The following CMYA5 variants were observed in gnomAD, a reference collection of about 807,000 sequenced individuals.
The protein encoded by CMYA5 is cardiomyopathy associated 5, also known as cardiomyopathy-associated protein 5.
A neutral mutation model predicts 318.9 loss-of-function variants in CMYA5; 246 were observed. That is an observed-to-expected ratio of 0.77 (90% CI 0.70 to 0.86). CMYA5 has a LOEUF of 0.86. CMYA5 is among the 40% of genes least tolerant of loss of function. The probability of loss-of-function intolerance (pLI) is 0.00; values close to 1 mark genes in which losing one functional copy is unlikely to be tolerated. For missense variants in CMYA5, 4,589 were observed against 4,678.2 expected (o/e 0.98, Z 0.56); for synonymous variants, 1,641 against 1,729.5 (o/e 0.95, Z 1.27).
intron 1 of CMYA5, among the ~76,000 whole-genome samples, chr5:79,695,592 T>C (rs1827053030): frequency 6.6e-6 from 1 of 152,220 alleles, no homozygotes; most frequent in African/African-American, 2.4e-5. Context: ...GTTAGCTTCA[T>C]TGGAATCTAG....
chr5:79,738,781 C>T lies in CMYA5; in HGVS notation c.10016C>T (p.Ala3339Val), dbSNP rs932864869. The T allele has an allele frequency of 9.3e-6, 15 of 1,613,834 alleles. No individual in the cohort carries two copies. The highest frequency in any genetic ancestry group is 1.3e-5 in the Non-Finnish European group (15 of 1,179,864). ...GTGGCTACCCAGAAAATAAGTTATG[C>T]GGTTCCATTTGAAGACACCCATCAT... ...VRVATQKISY[A>V]VPFEDTHHVL... Residue 3339 changes from alanine (A) to valine (V), a missense_variant, in exon 2 of 13, where the codon GCG becomes GTG. Ala to Val is a moderately conservative substitution (Grantham distance 64). Around this residue, in one of 3 missense-constraint regions of CMYA5, gnomAD observed 2,431 missense variants for 2,495.1 expected, o/e 0.97. Transcript: ENST00000446378.
At chr5:79,752,905 G>GA (rs1828457832) in intron 6 of CMYA5, 111 bp downstream of exon 6, 3 of 680,016 alleles carry the variant, frequency 4.4e-6, no homozygotes, top group African/African-American at 1.8e-5. Flanking sequence ...CATGTAACTG[G>GA]AAAAAGAAAA....
rs760154144 is a variant in CMYA5 at position 79,736,239 on chromosome 5, G to A, written c.7474G>A (p.Gly2492Arg). Residue 2492 changes from glycine to arginine, a missense_variant, in exon 2 of 13, where the codon GGG becomes AGG. Gly to Arg is a moderately radical substitution (Grantham distance 125). Around this residue, in one of 3 missense-constraint regions of CMYA5, gnomAD observed 2,431 missense variants for 2,495.1 expected, o/e 0.97. Transcript: ENST00000446378. The stretch of plus-strand genomic sequence containing the variant: ...AGAGCTTAGAGATAGTAATGAAATA[G>A]GGAAGACACAAATTACACTTGGATC... ...PLELRDSNEI[G>R]KTQITLGSRS... 1.9e-6 allele frequency: 3 copies of A among 1,613,402 alleles called. No homozygotes were observed. Among genetic ancestry groups the A allele is most frequent in the East Asian group, 2.2e-5 (1 of 44,870 alleles).
intron 1 of CMYA5, among the ~76,000 whole-genome samples, chr5:79,695,606 A>T (rs1222420076): frequency 6.6e-6 from 1 of 152,248 alleles, no homozygotes; most frequent in Non-Finnish European, 1.5e-5. Flanking sequence ...AATCTAGAGA[A>T]CTGCTGCATT....
At chr5:79,781,701 C>T (rs1467826717) in intron 9 of CMYA5, among the ~76,000 whole-genome samples, 1 of 61,538 alleles carries the variant, frequency 1.6e-5, no homozygotes, top group Admixed American at 2.2e-4. Context: ...AGTTTATTTG[C>T]GTAGAGGTGT....
chr5:79,756,113 T>G (rs947573911), intron 6 of CMYA5, among the ~76,000 whole-genome samples: 2 of 126,612 alleles, frequency 1.6e-5, no homozygotes, highest in Admixed American at 8.0e-5. Context: ...AACATGAAAA[T>G]TTACTGAACT....
intron 8 of CMYA5, 126 bp from the exon 9 acceptor site, chr5:79,762,934 CAG>C: frequency 1.8e-6 from 2 of 1,099,678 alleles, no homozygotes; most frequent in Non-Finnish European, 2.6e-6. Flanking sequence ...GTTTTTAACA[CAG>C]AATACACTTT....
chr5:79,731,377 C>G lies in CMYA5; in HGVS notation c.2612C>G (p.Pro871Arg), dbSNP rs766487423. Residue 871 changes from proline to arginine, a missense_variant, in exon 2 of 13, where the codon CCA (proline) becomes CGA (arginine). Transcript: ENST00000446378. ...TEMTSECQAPPLSATPSEYVV... is the reference protein window; with the variant it reads ...TEMTSECQAPRLSATPSEYVV... Reference sequence around the variant, plus strand: ...ATGACTTCTGAATGCCAGGCCCCACCACTTTCAGCCACCCCATCTGAATAT... The same window carrying G: ...ATGACTTCTGAATGCCAGGCCCCACGACTTTCAGCCACCCCATCTGAATAT... The G allele has an allele frequency of 6.8e-6, 11 of 1,613,916 alleles. No homozygotes were observed. Among genetic ancestry groups the G allele is most frequent in the Non-Finnish European group, 9.3e-6 (11 of 1,179,892 alleles).
intron 10 of CMYA5, 130 bp downstream of exon 10, chr5:79,789,234 G>A: frequency 1.9e-6 from 2 of 1,044,054 alleles, no homozygotes; most frequent in Non-Finnish European, 2.7e-6. Flanking sequence ...TTTGTCATGA[G>A]GACCCAAGGT....
chr5:79,700,841 G>A (rs926893037), intron 1 of CMYA5, among the ~76,000 whole-genome samples: 7 of 152,086 alleles, frequency 4.6e-5, no homozygotes, highest in African/African-American at 1.4e-4. Context: ...TCAGTCATTG[G>A]GAGCTAAGAA....
At position 79,729,361 on chromosome 5, in the gene CMYA5, C is replaced by T. The variant is rs768454519; in HGVS notation, c.596C>T (p.Ser199Leu). The T allele has an allele frequency of 1.9e-6, 3 of 1,613,588 alleles. No individual in the cohort carries two copies. The highest frequency in any genetic ancestry group is 3.3e-5 in the Admixed American group (2 of 59,970). Residue 199 changes from serine (S) to leucine (L), a missense_variant, in exon 2 of 13, where the codon TCA (serine) becomes TTA (leucine). Physicochemically the swap from Ser to Leu is moderately radical, Grantham distance 145 (BLOSUM62 -2). This residue lies in a region of CMYA5 where 2,132 missense variants were observed against 2,131.3 expected (regional missense o/e 1.00). Coordinates refer to ENST00000446378, the MANE Select transcript of CMYA5 (RefSeq NM_153610.5). ...YDKARKKKTT[S>L]NTPPITGAIY... ...AAAGCAAGAAAAAAGAAGACCACTTCAAATACACCTCCGATTACTGGGGCA... is the reference window on the plus strand; with the variant it reads ...AAAGCAAGAAAAAAGAAGACCACTTTAAATACACCTCCGATTACTGGGGCA...
chr5:79,732,915 G>C lies in CMYA5; in HGVS notation c.4150G>C (p.Asp1384His), dbSNP rs1359234833. The C allele has an allele frequency of 6.2e-7, 1 of 1,613,650 alleles. No individual in the cohort carries two copies. Among genetic ancestry groups the C allele is most frequent in the African/African-American group, 1.3e-5 (1 of 74,920 alleles). Residue 1384 changes from aspartate to histidine, a missense_variant, in exon 2 of 13, where the codon GAT becomes CAT. Coordinates refer to ENST00000446378, the MANE Select transcript of CMYA5 (RefSeq NM_153610.5). ...AGATTCATCTCTTATCACTCCTGTA[G>C]ATCGTCCAGTCTTAACAAAAGTAGG... ...PTDSSLITPV[D>H]RPVLTKVGKG...
At chr5:79,785,575 G>T (rs1199707854) in intron 9 of CMYA5, among the ~76,000 whole-genome samples, 5 of 151,554 alleles carry the variant, frequency 3.3e-5, no homozygotes, top group Admixed American at 1.3e-4. Context: ...CTCCTATCTA[G>T]TTGTTATTTG....
At position 79,743,864 on chromosome 5, in the gene CMYA5, A is replaced by T. The variant is rs900351568; in HGVS notation, c.10676A>T (p.Lys3559Met). The change falls in exon 3 of 13, where the codon AAG (lysine) becomes ATG (methionine). Residue 3559 changes from lysine (K) to methionine (M), a missense_variant. By Grantham distance (95) the Lys-to-Met change is moderately conservative. Around this residue, in one of 3 missense-constraint regions of CMYA5, gnomAD observed 2,431 missense variants for 2,495.1 expected, o/e 0.97. Transcript: ENST00000446378. ...LAEFLENLQE[K>M]SLRIEAFVSE... is the part of the protein sequence containing the mutation. ...GAATTTCTAGAAAATTTACAAGAAA[A>T]GTCCTTGAGGATTGAAGCCTTTGTT... The T allele has an allele frequency of 6.5e-7, 1 of 1,548,916 alleles. No homozygotes were observed. Among genetic ancestry groups the T allele is most frequent in the African/African-American group, 1.4e-5 (1 of 73,236 alleles).
Position 79,725,228 on chromosome 5 carries a change from G to A in CMYA5, c.150-3687G>A, listed in dbSNP as rs148306206. The stretch of plus-strand genomic sequence containing the variant: ...GGAATCAACCTAAGTGCCCATCAAC[G>A]GTGGATTGGATAAAGAAAATATGGT... On this transcript the variant is annotated intron_variant, in intron 1 of 12. Coordinates refer to ENST00000446378, the MANE Select transcript of CMYA5 (RefSeq NM_153610.5). Among the ~76,000 whole-genome samples the A allele has an allele frequency of 5.5e-3, 839 of 152,230 alleles. 6 individuals are homozygous for A. Among genetic ancestry groups the A allele is most frequent in the African/African-American group, 0.019 (796 of 41,516 alleles).
chr5:79,773,756 C>CT lies in CMYA5; in HGVS notation c.11555+10547_11555+10548insT, dbSNP rs1328662324. The stretch of plus-strand genomic sequence containing the variant: ...TAACCAATCTCTTTTTGTCCTTGCC[C>CT]ACTTCAAGCCATCTAACTGGCTGGA... On this transcript the variant is annotated intron_variant, in intron 9 of 12. Transcript: ENST00000446378. Among the ~76,000 whole-genome samples the CT allele has an allele frequency of 3.3e-5, 5 of 152,210 alleles. No individual in the cohort carries two copies. The South Asian group carries it at 1.0e-3, about 32-fold the overall frequency.
At chr5:79,724,911 G>A (rs1300675515) in intron 1 of CMYA5, among the ~76,000 whole-genome samples, 1 of 152,018 alleles carries the variant, frequency 6.6e-6, no homozygotes, top group Non-Finnish European at 1.5e-5. Flanking sequence ...CCTTTTCTTG[G>A]AATGACCTCC....
Position 79,737,755 on chromosome 5 carries a change from C to G in CMYA5, c.8990C>G (p.Thr2997Arg). ...KTIPLPDDSETVACHKTLKSR... is the reference protein window; with the variant it reads ...KTIPLPDDSERVACHKTLKSR... ...ATACCACTCCCTGATGATAGTGAAA[C>G]AGTTGCTTGTCATAAAACATTAAAG... Residue 2997 changes from threonine (T) to arginine (R), a missense_variant, in exon 2 of 13, where the codon ACA becomes AGA. Around this residue, in one of 3 missense-constraint regions of CMYA5, gnomAD observed 2,431 missense variants for 2,495.1 expected, o/e 0.97. Transcript: ENST00000446378. The G allele has an allele frequency of 1.2e-6, 2 of 1,611,208 alleles. No homozygotes were observed. Among genetic ancestry groups the G allele is most frequent in the Non-Finnish European group, 8.5e-7 (1 of 1,179,230 alleles).
Position 79,766,205 on chromosome 5 carries a change from T to C in CMYA5, c.11555+2996T>C, listed in dbSNP as rs142475277. On this transcript the variant is annotated intron_variant, in intron 9 of 12. Coordinates refer to ENST00000446378, the MANE Select transcript of CMYA5 (RefSeq NM_153610.5). Reference sequence around the variant, plus strand: ...CCTCTGCCTCCCAGGTTCAAATGATTCTCCTGCCTCAGCCTCCCGAGTAGC... The same window carrying C: ...CCTCTGCCTCCCAGGTTCAAATGATCCTCCTGCCTCAGCCTCCCGAGTAGC... Among the ~76,000 whole-genome samples, 445 of 152,206 alleles carry C rather than the reference T, an allele frequency of 2.9e-3. 1 individual carries two copies. The highest frequency in any genetic ancestry group is 0.01 in the African/African-American group (426 of 41,516).
Sources: gnomAD v4.1 joint callset for allele counts (sites outside exome capture counted in the v4.1 genomes callset) on GRCh38, gnomAD v4.1.1 for gene constraint, gnomAD v4.1.1 regional missense constraint, MANE v1.5 for transcripts, NCBI Gene and HGNC (gene_info 2026-07-23, HGNC 2026-07-21) for gene names.